PTPRD: variants seen among roughly 807,000 people sequenced by gnomAD.
PTPRD encodes protein tyrosine phosphatase receptor type D, also known as receptor-type tyrosine-protein phosphatase delta.
A neutral mutation model predicts 214.5 loss-of-function variants in PTPRD; 34 were observed. The ratio of observed to expected loss-of-function variants is 0.16; its 90% confidence interval spans 0.12 to 0.21. PTPRD has a LOEUF of 0.21. PTPRD is among the 10% of genes least tolerant of loss of function. The pLI, the probability that PTPRD is intolerant of heterozygous loss-of-function variation, is 1.00. For missense variants in PTPRD, 2,545 were observed against 2,398.7 expected, an observed-to-expected ratio of 1.06 and a Z score of -1.27; for synonymous variants, 1,128 against 845.7, an observed-to-expected ratio of 1.33 and a Z score of -5.79.
At chr9:10,264,512 C>A (rs1413992656) in intron 3 of PTPRD, among the ~76,000 whole-genome samples, 2 of 152,208 alleles carry the variant, frequency 1.3e-5, no homozygotes, top group Middle Eastern at 3.4e-3. Flanking sequence ...TTGCATGGGG[C>A]CTTTAGTCCC....
At chr9:10,170,112 T>C (rs2099191436) in intron 3 of PTPRD, among the ~76,000 whole-genome samples, 1 of 152,152 alleles carries the variant, frequency 6.6e-6, no homozygotes, top group South Asian at 2.1e-4. Flanking sequence ...AGAGAAACTT[T>C]GGTACATCAA....
At chr9:9,545,650 A>T (rs1443553039) in intron 8 of PTPRD, among the ~76,000 whole-genome samples, 1 of 151,782 alleles carries the variant, frequency 6.6e-6, no homozygotes, top group African/African-American at 2.4e-5. Context: ...TGATTTCTTT[A>T]TTCTGTTACA....
intron 5 of PTPRD, among the ~76,000 whole-genome samples, chr9:9,819,298 A>G (rs1598710463): frequency 6.6e-6 from 1 of 152,146 alleles, no homozygotes; most frequent in South Asian, 2.1e-4. Flanking sequence ...CTCTATAACT[A>G]TTTATTTTTA....
intron 10 of PTPRD, among the ~76,000 whole-genome samples, chr9:9,100,888 G>A (rs990381088): frequency 6.6e-6 from 1 of 152,072 alleles, no homozygotes; most frequent in Non-Finnish European, 1.5e-5. Context: ...CATACTGTGT[G>A]TATAATCATA....
chr9:9,985,535 A>G (rs1209658419), intron 4 of PTPRD, among the ~76,000 whole-genome samples: 1 of 152,140 alleles, frequency 6.6e-6, no homozygotes, highest in African/African-American at 2.4e-5. Context: ...TGCTAGTGAT[A>G]CAGATGATGG....
At chr9:8,466,808 G>A (rs766515035) in intron 31 of PTPRD, among the ~76,000 whole-genome samples, 3 of 151,854 alleles carry the variant, frequency 2.0e-5, no homozygotes, top group Non-Finnish European at 4.4e-5. Context: ...TGGAAACAGT[G>A]CAGCAAAACT....
At chr9:10,326,626 T>C (rs1359973118) in intron 3 of PTPRD, among the ~76,000 whole-genome samples, 1 of 151,636 alleles carries the variant, frequency 6.6e-6, no homozygotes, top group Non-Finnish European at 1.5e-5. Flanking sequence ...GAAAATAATA[T>C]TTGAAAATAT....
intron 10 of PTPRD, among the ~76,000 whole-genome samples, chr9:9,027,376 T>A (rs1017769514): frequency 3.3e-5 from 5 of 151,932 alleles, no homozygotes; most frequent in Non-Finnish European, 7.4e-5. Context: ...ACATGTACAC[T>A]ATACAAACAC....
intron 11 of PTPRD, among the ~76,000 whole-genome samples, chr9:8,985,719 G>A (rs7039525): frequency 0.084 from 12,645 of 151,316 alleles, 1,210 homozygotes; most frequent in African/African-American, 0.23. Context: ...AGAACCCAAC[G>A]TCTATGAGAA....
At chr9:9,944,434 C>T (rs2092227365) in intron 4 of PTPRD, among the ~76,000 whole-genome samples, 1 of 152,064 alleles carries the variant, frequency 6.6e-6, no homozygotes, top group African/African-American at 2.4e-5. Context: ...AATGCACACA[C>T]ATTTCTTTCT....
chr9:9,505,573 G>A (rs920923892), intron 8 of PTPRD, among the ~76,000 whole-genome samples: 1 of 151,336 alleles, frequency 6.6e-6, no homozygotes, highest in African/African-American at 2.4e-5. Context: ...TTAAAGATAT[G>A]GCTCAAGAAG....
chr9:9,677,379 T>C (rs964768144), intron 7 of PTPRD, among the ~76,000 whole-genome samples: 1 of 152,018 alleles, frequency 6.6e-6, no homozygotes, highest in Admixed American at 6.6e-5. Flanking sequence ...CATGATCAAG[T>C]GGGCTTCATC....
At chr9:9,223,265 A>G (rs1213333213) in intron 9 of PTPRD, among the ~76,000 whole-genome samples, 1 of 151,962 alleles carries the variant, frequency 6.6e-6, no homozygotes, top group Non-Finnish European at 1.5e-5. Context: ...ATTGTACAGC[A>G]TAAGGCACAA....
chr9:9,119,743 C>T (rs1208524606), intron 10 of PTPRD, among the ~76,000 whole-genome samples: 2 of 151,670 alleles, frequency 1.3e-5, no homozygotes, highest in Non-Finnish European at 2.9e-5. Flanking sequence ...AGGGTGGTCT[C>T]GAACTTCTGA....
chr9:8,373,824 GTATGTATGTATGTA>G (rs1377233239), intron 39 of PTPRD, among the ~76,000 whole-genome samples: 12 of 101,228 alleles, frequency 1.2e-4, no homozygotes, highest in Admixed American at 5.1e-4. Flanking sequence ...ATGTATGTAT[GTATGTATGTATGTA>G]TGTATGTATG....
At chr9:8,786,480 G>A (rs1007275692) in intron 11 of PTPRD, among the ~76,000 whole-genome samples, 5 of 136,164 alleles carry the variant, frequency 3.7e-5, no homozygotes, top group African/African-American at 1.1e-4. Flanking sequence ...CTCCATCTCA[G>A]CTCAACTGCA....
intron 3 of PTPRD, among the ~76,000 whole-genome samples, chr9:10,097,797 G>A (rs1428673069): frequency 6.6e-6 from 1 of 151,800 alleles, no homozygotes; most frequent in Non-Finnish European, 1.5e-5. Flanking sequence ...TGGTGAGAGA[G>A]GGCATCCCTG....
At chr9:9,247,945 T>A (rs1388132500) in intron 9 of PTPRD, among the ~76,000 whole-genome samples, 1 of 152,066 alleles carries the variant, frequency 6.6e-6, no homozygotes, top group African/African-American at 2.4e-5. Flanking sequence ...AAATTATCTA[T>A]CTTTAATTTC....
At chr9:8,526,250 C>CA (rs564241986) in intron 17 of PTPRD, among the ~76,000 whole-genome samples, 663 of 44,842 alleles carry the variant, frequency 0.015, 3 homozygotes, top group Non-Finnish European at 0.022. Context: ...TCCGGTTGGA[C>CA]AAAAAAAAAG....
Sources: allele counts gnomAD v4.1 joint callset (sites outside exome capture counted in the v4.1 genomes callset), GRCh38; gene constraint gnomAD v4.1.1; transcripts MANE v1.5; gene names NCBI Gene and HGNC (gene_info 2026-07-23, HGNC 2026-07-21).